The following ZFPM2 variants were observed in gnomAD, a reference collection of about 807,000 sequenced individuals.
The protein encoded by ZFPM2 is zinc finger protein, FOG family member 2.
A neutral mutation model predicts 98.6 loss-of-function variants in ZFPM2; 20 were observed. The ratio of observed to expected loss-of-function variants is 0.20; its 90% CI spans 0.14 to 0.29. The LOEUF is 0.29. Among genes scored for constraint, ZFPM2 ranks in the 10% least tolerant of loss-of-function variants. The probability of loss-of-function intolerance (pLI) is 1.00; values close to 1 mark genes in which losing one functional copy is unlikely to be tolerated. For missense variants in ZFPM2, 1,310 were observed against 1,388.6 expected, an observed-to-expected ratio of 0.94 and a Z score of 0.90; for synonymous variants, 518 against 502.7, an observed-to-expected ratio of 1.03 and a Z score of -0.41.
rs150440362 is a variant in ZFPM2, at chr8:105,370,526, A to G, written c.41-48618A>G. Among the ~76,000 whole-genome samples the G allele has an allele frequency of 8.6e-4, 131 of 152,302 alleles. 1 individual carries two copies. Among genetic ancestry groups the G allele is most frequent in the African/African-American group, 2.9e-3 (121 of 41,578 alleles). On this transcript the variant is annotated intron_variant, in intron 1 of 7. Coordinates refer to ENST00000407775, the MANE Select transcript of ZFPM2 (RefSeq NM_012082.4). ...TTTTGTCCTATGGGGCAGATGCCCC[A>G]TCTTAGTGATATGCATTATAATGTG...
chr8:105,338,856 T>A (rs569447700), intron 1 of ZFPM2, among the ~76,000 whole-genome samples: 1 of 151,956 alleles, frequency 6.6e-6, no homozygotes, highest in South Asian at 2.1e-4. Flanking sequence ...AAAAGAAGAA[T>A]GCAAATTAAA....
intron 4 of ZFPM2, among the ~76,000 whole-genome samples, chr8:105,611,559 G>A (rs533703710): frequency 1.5e-3 from 225 of 152,204 alleles, no homozygotes; most frequent in Non-Finnish European, 1.9e-3. Context: ...AAGGATCAGG[G>A]ACAACAGTTT....
intron 3 of ZFPM2, among the ~76,000 whole-genome samples, chr8:105,468,415 A>T (rs1241162180): frequency 1.3e-5 from 2 of 152,074 alleles, no homozygotes; most frequent in Non-Finnish European, 2.9e-5. Context: ...TCCATCACTC[A>T]GAATCATTAC....
chr8:105,746,789 C>T (rs1308049148), intron 5 of ZFPM2, among the ~76,000 whole-genome samples: 3 of 151,268 alleles, frequency 2.0e-5, no homozygotes, highest in African/African-American at 4.9e-5. Context: ...TTGTTAAGGC[C>T]GATGCGGTTT....
chr8:105,524,710 T>G (rs1342308125), intron 3 of ZFPM2, among the ~76,000 whole-genome samples: 2 of 152,166 alleles, frequency 1.3e-5, no homozygotes, highest in Admixed American at 1.3e-4. Flanking sequence ...ATGCTTCCTC[T>G]GTACTTCAGA....
rs572914517 is a variant in ZFPM2, at chr8:105,791,959, C to T, written c.739+3035C>T. On this transcript the variant is annotated intron_variant, in intron 6 of 7. Coordinates refer to ENST00000407775, the MANE Select transcript of ZFPM2 (RefSeq NM_012082.4). ...ATATCCCCTTTATCATTTTTTATTG[C>T]GTCTATTTGATTCTTCTCTCTTTTT... Among the ~76,000 whole-genome samples the T allele has an allele frequency of 1.6e-4, 24 of 152,046 alleles. No homozygotes were observed. In the East Asian group the frequency reaches 1.7e-3, roughly 11 times the overall value.
At chr8:105,319,090 G>C in intron 1 of ZFPM2, 109 bp downstream of exon 1, 1 of 1,291,896 alleles carries the variant, frequency 7.7e-7, no homozygotes, top group Non-Finnish European at 1.0e-6. Context: ...ATCCGCTCCC[G>C]GTCCCCTAGA....
At chr8:105,494,229 T>TATATAAA (rs1563684629) in intron 3 of ZFPM2, among the ~76,000 whole-genome samples, 5 of 86,012 alleles carry the variant, frequency 5.8e-5, no homozygotes, top group African/African-American at 1.7e-4. Flanking sequence ...ATATATATAA[T>TATATAAA]CTCAAACTCA....
At chr8:105,444,744 GT>G (rs1812333564) in intron 3 of ZFPM2, among the ~76,000 whole-genome samples, 1 of 152,062 alleles carries the variant, frequency 6.6e-6, no homozygotes, top group African/African-American at 2.4e-5. Context: ...ATCATTTTCA[GT>G]TTAGTCATGT....
intron 2 of ZFPM2, among the ~76,000 whole-genome samples, chr8:105,427,012 T>C (rs1811928445): frequency 6.6e-6 from 1 of 152,098 alleles, no homozygotes; most frequent in South Asian, 2.1e-4. Context: ...TGAAAAAATA[T>C]ATACCTTATG....
intron 2 of ZFPM2, among the ~76,000 whole-genome samples, chr8:105,440,898 TCC>T (rs1416832055): frequency 6.6e-6 from 1 of 152,098 alleles, no homozygotes; most frequent in Non-Finnish European, 1.5e-5. Flanking sequence ...ACGCCTGTAA[TCC>T]CAGCACCATG....
intron 2 of ZFPM2, among the ~76,000 whole-genome samples, chr8:105,438,843 C>T (rs1812177073): frequency 1.3e-5 from 2 of 152,104 alleles, no homozygotes; most frequent in South Asian, 2.1e-4. Flanking sequence ...CATTATATGG[C>T]TTCTTCATGG....
intron 4 of ZFPM2, among the ~76,000 whole-genome samples, chr8:105,609,256 G>A (rs868267400): frequency 3.3e-5 from 5 of 151,992 alleles, no homozygotes; most frequent in African/African-American, 1.2e-4. Flanking sequence ...ATGGAGGCAA[G>A]CCAGGAGCAT....
intron 2 of ZFPM2, among the ~76,000 whole-genome samples, chr8:105,429,209 C>G (rs1015454454): frequency 6.6e-6 from 1 of 151,982 alleles, no homozygotes; most frequent in Non-Finnish European, 1.5e-5. Context: ...TTAGGTCTTA[C>G]GTAAACTGTA....
At chr8:105,384,542 C>G (rs1810947547) in intron 1 of ZFPM2, among the ~76,000 whole-genome samples, 2 of 151,814 alleles carry the variant, frequency 1.3e-5, no homozygotes. Flanking sequence ...ACAGATGGGC[C>G]TAAGGCAGAC....
At position 105,322,767 on chromosome 8, in the gene ZFPM2, G is replaced by A. The variant is rs1444693132; in HGVS notation, c.40+3786G>A. On this transcript the variant is annotated intron_variant, in intron 1 of 7. Coordinates refer to ENST00000407775, the MANE Select transcript of ZFPM2 (RefSeq NM_012082.4). The stretch of plus-strand genomic sequence containing the variant: ...CTGGAAATTAGCATGCATGTTGAAA[G>A]TAAAATGTTCTGGTTAGAGAATAAT... Among the ~76,000 whole-genome samples, 4 of 152,054 alleles carry A rather than the reference G, an allele frequency of 2.6e-5. No individual in the cohort carries two copies. The East Asian group carries it at 7.7e-4, about 29-fold the overall frequency.
At chr8:105,727,095 A>G (rs1249071189) in intron 5 of ZFPM2, among the ~76,000 whole-genome samples, 1 of 151,642 alleles carries the variant, frequency 6.6e-6, no homozygotes, top group Non-Finnish European at 1.5e-5. Context: ...CCTGTCTTAG[A>G]GTATTTATGT....
chr8:105,765,983 C>A (rs1448650755), intron 5 of ZFPM2, among the ~76,000 whole-genome samples: 1 of 151,846 alleles, frequency 6.6e-6, no homozygotes, highest in Non-Finnish European at 1.5e-5. Flanking sequence ...TAGCTAAAAT[C>A]TCGCTGGTTA....
chr8:105,644,946 A>G (rs1381376959), intron 5 of ZFPM2, among the ~76,000 whole-genome samples: 2 of 152,186 alleles, frequency 1.3e-5, no homozygotes, highest in Non-Finnish European at 2.9e-5. Context: ...GGAGACATAA[A>G]CATTCAGTTG....
Sources: allele counts gnomAD v4.1 joint callset (sites outside exome capture counted in the v4.1 genomes callset), GRCh38; gene constraint gnomAD v4.1.1; transcripts MANE v1.5; gene names NCBI Gene and HGNC (gene_info 2026-07-23, HGNC 2026-07-21).